Variants in CECR2 observed in about 807,000 individuals in gnomAD.
CECR2 encodes chromatin remodeling regulator CECR2.
In CECR2, 30 loss-of-function variants were observed where a neutral mutation model predicts 154.5. The ratio of observed to expected loss-of-function variants is 0.19; its 90% CI spans 0.15 to 0.26. CECR2 has a LOEUF of 0.26. CECR2 is among the 10% of genes least tolerant of loss of function. The pLI, the probability that CECR2 is intolerant of heterozygous loss-of-function variation, is 1.00. For missense variants in CECR2, 1,743 were observed against 1,829.3 expected (o/e 0.95, Z 0.86); for synonymous variants, 725 against 683.7 (o/e 1.06, Z -0.94).
intron 1 of CECR2, among the ~76,000 whole-genome samples, chr22:17,407,458 G>A (rs906256937): frequency 2.6e-5 from 4 of 152,118 alleles, no homozygotes; most frequent in African/African-American, 7.2e-5. Context: ...CGCCAGGCAC[G>A]GTGGCGGGCG....
intron 9 of CECR2, among the ~76,000 whole-genome samples, chr22:17,528,562 GTCTCACTCTTT>G (rs2056302897): frequency 6.6e-6 from 1 of 151,942 alleles, no homozygotes; most frequent in South Asian, 2.1e-4. Flanking sequence ...TTGAGACAGA[GTCTCACTCTTT>G]TGCCCAGGCT....
intron 1 of CECR2, among the ~76,000 whole-genome samples, chr22:17,456,586 A>G (rs2054857742): frequency 6.6e-6 from 1 of 152,218 alleles, no homozygotes; most frequent in Non-Finnish European, 1.5e-5. Flanking sequence ...AATATGGTAG[A>G]TATTGTACAT....
At position 17,552,981 on chromosome 22, in the gene CECR2, T is replaced by G; in HGVS notation, c.*141T>G. ...CGACCCACTCGTGCCATACTTGAGCTGGAGCCAGTCACGGGCCCTAAAAGG... is the reference window on the plus strand; with the variant it reads ...CGACCCACTCGTGCCATACTTGAGCGGGAGCCAGTCACGGGCCCTAAAAGG... On this transcript the variant is annotated 3_prime_UTR_variant, in exon 19 of 19. Coordinates refer to ENST00000262608, the MANE Select transcript of CECR2 (RefSeq NM_001290047.2). The G allele has an allele frequency of 6.8e-7, 1 of 1,477,346 alleles. No individual in the cohort carries two copies. Among genetic ancestry groups the G allele is most frequent in the Non-Finnish European group, 9.0e-7 (1 of 1,116,354 alleles). The allele number at this position is 1,477,346 out of a possible 1,614,324, so 91.5% of individuals were successfully genotyped here. A position where few individuals can be genotyped will look rare whatever the true frequency, so the allele number is the denominator to read the frequency against.
In CECR2 at chr22:17,549,398, C is replaced by A; in HGVS notation, c.4111C>A (p.Pro1371Thr). 1 of 1,613,858 alleles carries A rather than the reference C, an allele frequency of 6.2e-7. No individual in the cohort carries two copies. The highest frequency in any genetic ancestry group is 8.5e-7 in the Non-Finnish European group (1 of 1,179,844). The stretch of plus-strand genomic sequence containing the variant: ...TTACTCTTCCCCTGTGGCTGCCCTC[C>A]CACCTCACCACCCAGGGGCCACCCA... ...RAYSSPVAAL[P>T]PHHPGATQPN... Residue 1371 changes from proline to threonine, a missense_variant, in exon 17 of 19, where the codon CCA (proline) becomes ACA (threonine). Physicochemically the swap from Pro to Thr is conservative, Grantham distance 38 (BLOSUM62 -1). Transcript: ENST00000262608.
chr22:17,504,075 T>TAAATAAATAAATAAATAAAA lies in CECR2; in HGVS notation c.701-769_701-768insTAAATAAATAAATAAAAAAA, dbSNP rs879844244. ...ATAAATAAATAAATAAATAAATAAA[T>TAAATAAATAAATAAATAAAA]AAAATTTAAAAGTAGGCCAGGTGCA... On this transcript the variant is annotated intron_variant, in intron 6 of 18. Coordinates refer to ENST00000262608, the MANE Select transcript of CECR2 (RefSeq NM_001290047.2). Among the ~76,000 whole-genome samples, 252 of 149,914 alleles carry TAAATAAATAAATAAATAAAA rather than the reference T, an allele frequency of 1.7e-3. 1 individual carries two copies. The highest frequency in any genetic ancestry group is 3.5e-3 in the Admixed American group (52 of 15,040).
At chr22:17,427,062 C>G (rs2146621977) in intron 1 of CECR2, among the ~76,000 whole-genome samples, 1 of 152,082 alleles carries the variant, frequency 6.6e-6, no homozygotes, top group East Asian at 1.9e-4. Context: ...ACCCTGTGTC[C>G]AAGTGTTCTC....
chr22:17,531,265 T>TG (rs5844316), intron 9 of CECR2, among the ~76,000 whole-genome samples: 5,952 of 152,034 alleles, frequency 0.039, 235 homozygotes, highest in African/African-American at 0.1. Context: ...TTGTCAGAGG[T>TG]GGGGGGCTGC....
At chr22:17,442,240 G>A (rs2054595541) in intron 1 of CECR2, among the ~76,000 whole-genome samples, 1 of 152,126 alleles carries the variant, frequency 6.6e-6, no homozygotes, top group Admixed American at 6.6e-5. Context: ...TGGAGCTCAT[G>A]GGAATCCATG....
intron 5 of CECR2, among the ~76,000 whole-genome samples, chr22:17,501,902 T>A (rs1223269017): frequency 6.6e-6 from 1 of 152,184 alleles, no homozygotes; most frequent in African/African-American, 2.4e-5. Context: ...CCTTTAGAGC[T>A]GTGTGTGTAA....
In CECR2 at chr22:17,553,735, G is replaced by A. The variant is rs1288306954; in HGVS notation, c.*895G>A. ...TCCTGATTTTGCCACCAGCCCTACC[G>A]AATAGTTGTAAACCAGTATCAGGAA... On this transcript the variant is annotated 3_prime_UTR_variant, in exon 19 of 19. Transcript: ENST00000262608. 2.6e-5 allele frequency: 4 copies of A among 152,266 alleles called. No homozygotes were observed. The highest frequency in any genetic ancestry group is 7.2e-5 in the African/African-American group (3 of 41,566). The allele number at this position is 152,266 out of a possible 1,614,324, so 9.4% of individuals were successfully genotyped here. A position where few individuals can be genotyped will look rare whatever the true frequency, so the allele number is the denominator to read the frequency against.
At chr22:17,467,321 T>C (rs941620731) in intron 1 of CECR2, among the ~76,000 whole-genome samples, 2 of 152,128 alleles carry the variant, frequency 1.3e-5, no homozygotes, top group African/African-American at 2.4e-5. Flanking sequence ...GTGAGATCTC[T>C]CTCAGCTGGG....
chr22:17,409,166 C>G (rs140429329), intron 1 of CECR2, among the ~76,000 whole-genome samples: 1 of 150,016 alleles, frequency 6.7e-6, no homozygotes, highest in Non-Finnish European at 1.5e-5. Flanking sequence ...CGGAGTCTCA[C>G]TCTGTCACCA....
intron 1 of CECR2, among the ~76,000 whole-genome samples, chr22:17,475,218 A>G (rs1485526022): frequency 6.6e-6 from 1 of 152,148 alleles, no homozygotes; most frequent in Non-Finnish European, 1.5e-5. Flanking sequence ...ATTTCCACCT[A>G]GGGAGAATGG....
At chr22:17,505,104 C>A (rs2055814603) in intron 7 of CECR2, 88 bp downstream of exon 7, 5 of 1,281,898 alleles carry the variant, frequency 3.9e-6, no homozygotes, top group South Asian at 2.8e-5. Context: ...TCCCCATACA[C>A]CCCACTGTCC....
intron 2 of CECR2, among the ~76,000 whole-genome samples, chr22:17,477,960 CTTA>C (rs2146795254): frequency 6.6e-6 from 1 of 152,238 alleles, no homozygotes; most frequent in Non-Finnish European, 1.5e-5. Context: ...AGAATTTCTT[CTTA>C]TATTTGCCAT....
At chr22:17,419,852 T>G (rs2054218690) in intron 1 of CECR2, 1 of 270,696 alleles carries the variant, frequency 3.7e-6, no homozygotes, top group East Asian at 9.7e-5. Flanking sequence ...TCGAAAGAAA[T>G]AATTGGCAAG....
chr22:17,450,264 A>G (rs5746396), intron 1 of CECR2, among the ~76,000 whole-genome samples: 45,293 of 152,076 alleles, frequency 0.3, 9,610 homozygotes, highest in African/African-American at 0.57. Context: ...GGGAAAAAGT[A>G]ATATATTAAC....
chr22:17,423,342 C>G (rs1269170494), intron 1 of CECR2, among the ~76,000 whole-genome samples: 1 of 151,984 alleles, frequency 6.6e-6, no homozygotes, highest in Non-Finnish European at 1.5e-5. Flanking sequence ...CCTCTCTCTA[C>G]TAAAAATACA....
At position 17,545,374 on chromosome 22, in the gene CECR2, C is replaced by CAAAAAAAAAAAAAA. The variant is rs695493; in HGVS notation, c.2860+2381_2860+2394dup. 1.2e-3 allele frequency among the ~76,000 whole-genome samples: 54 copies of CAAAAAAAAAAAAAA among 46,444 alleles called. 2 individuals are homozygous for CAAAAAAAAAAAAAA. The highest frequency in any genetic ancestry group is 2.3e-3 in the African/African-American group (25 of 11,100). 30.5% of individuals were successfully genotyped at this position (46,444 alleles called of 152,430 possible). Reference sequence around the variant, plus strand: ...TGGGCGAAACAGCGAGACTCCGTCTCAAAAAAAAAAAAAAAAAAAAAAAGA... The same window carrying CAAAAAAAAAAAAAA: ...TGGGCGAAACAGCGAGACTCCGTCTCAAAAAAAAAAAAAAAAAAAAAAAAAAAAAAAAAAAAAGA... On this transcript the variant is annotated intron_variant, in intron 16 of 18. Transcript: ENST00000262608.
Sources: gnomAD v4.1 joint callset for allele counts (sites outside exome capture counted in the v4.1 genomes callset) on GRCh38, gnomAD v4.1.1 for gene constraint, MANE v1.5 for transcripts, NCBI Gene and HGNC (gene_info 2026-07-23, HGNC 2026-07-21) for gene names.